RANBP2: variants seen among roughly 807,000 people sequenced by gnomAD.
RANBP2 encodes the protein E3 SUMO-protein ligase RanBP2.
A neutral mutation model predicts 303.6 loss-of-function variants in RANBP2; 57 were observed. The observed-to-expected ratio is 0.19, with a 90% CI of 0.15 to 0.23. RANBP2 has a LOEUF of 0.23. RANBP2 is among the 10% of genes least tolerant of loss of function. The pLI is 1.00. For synonymous variants in RANBP2, 1,167 were observed against 1,301.5 expected (o/e 0.90, Z 2.23); for missense variants, 3,138 against 3,780.8 (o/e 0.83, Z 4.46).
At chr2:109,039,610 A>C in the RANBP2 span, among the ~76,000 whole-genome samples, 1 of 152,140 alleles carries the variant, frequency 6.6e-6, no homozygotes, top group Non-Finnish European at 1.5e-5. Flanking sequence ...CGGCCTCCCA[A>C]AGTGCTGGGA....
At chr2:109,630,868 C>G in the RANBP2 span, among the ~76,000 whole-genome samples, 1 of 152,150 alleles carries the variant, frequency 6.6e-6, no homozygotes, top group Non-Finnish European at 1.5e-5. Flanking sequence ...GAGTTCGAGA[C>G]CAGCCTGGCC....
At chr2:109,275,392 G>A in the RANBP2 span, among the ~76,000 whole-genome samples, 1 of 152,192 alleles carries the variant, frequency 6.6e-6, no homozygotes, top group East Asian at 1.9e-4. Context: ...TTAGTGTGAT[G>A]TGGCCTGAGG....
the RANBP2 span, among the ~76,000 whole-genome samples, chr2:109,588,008 C>T: frequency 1.3e-5 from 2 of 151,890 alleles, no homozygotes; most frequent in African/African-American, 4.8e-5. Flanking sequence ...GGGAGGATCA[C>T]TTAAACTCAG....
At chr2:108,724,441 C>A (rs1023655143) in intron 1 of RANBP2, among the ~76,000 whole-genome samples, 3 of 152,086 alleles carry the variant, frequency 2.0e-5, no homozygotes, top group African/African-American at 2.4e-5. Context: ...ATTTGGTTAT[C>A]GAATTCTGAG....
chr2:108,971,267 G>GA, the RANBP2 span, among the ~76,000 whole-genome samples: 3 of 152,084 alleles, frequency 2.0e-5, no homozygotes, highest in Non-Finnish European at 1.5e-5. Flanking sequence ...CCAGCATCTA[G>GA]AAACTGGCTC....
At chr2:109,068,563 A>T in the RANBP2 span, among the ~76,000 whole-genome samples, 1 of 152,266 alleles carries the variant, frequency 6.6e-6, no homozygotes, top group East Asian at 1.9e-4. Context: ...GGTCATTATT[A>T]TCATTATTTC....
At chr2:109,111,476 C>CTCTA in the RANBP2 span, among the ~76,000 whole-genome samples, 143,648 of 151,832 alleles carry the variant, frequency 0.95, 68,430 homozygotes, top group Non-Finnish European at 1. Flanking sequence ...TCAATCTGAA[C>CTCTA]TCTATACTCT....
the RANBP2 span, among the ~76,000 whole-genome samples, chr2:109,422,698 C>G: frequency 6.6e-6 from 1 of 152,184 alleles, no homozygotes; most frequent in African/African-American, 2.4e-5. Flanking sequence ...AGAGGCCATG[C>G]TCCTGGGCAC....
At chr2:109,443,763 A>G in the RANBP2 span, among the ~76,000 whole-genome samples, 1 of 152,252 alleles carries the variant, frequency 6.6e-6, no homozygotes, top group African/African-American at 2.4e-5. Context: ...ATATGGATAA[A>G]GGTACAAGGA....
At chr2:108,788,755 G>C (rs1462812607), downstream of RANBP2, 1 of 1,476,190 alleles carries the variant, frequency 6.8e-7, no homozygotes, top group Non-Finnish European at 9.0e-7. Context: ...TGAGAGAGAA[G>C]ATTTTAAAAA....
intron 23 of RANBP2, among the ~76,000 whole-genome samples, chr2:108,774,972 A>T (rs1489884312): frequency 6.6e-6 from 1 of 152,136 alleles, no homozygotes; most frequent in Non-Finnish European, 1.5e-5. Flanking sequence ...GATTGCAGGC[A>T]TGAGCCACTG....
chr2:109,563,261 T>C, the RANBP2 span, among the ~76,000 whole-genome samples: 1 of 152,122 alleles, frequency 6.6e-6, no homozygotes, highest in Non-Finnish European at 1.5e-5. Context: ...GTGAAAACAT[T>C]AATTAACTCC....
At chr2:109,244,955 G>T in the RANBP2 span, among the ~76,000 whole-genome samples, 14 of 152,214 alleles carry the variant, frequency 9.2e-5, no homozygotes, top group Admixed American at 3.3e-4. Flanking sequence ...TTTGAGACTT[G>T]ATCAGGTGCC....
the RANBP2 span, among the ~76,000 whole-genome samples, chr2:108,880,944 G>A: frequency 1.3e-5 from 2 of 152,278 alleles, no homozygotes; most frequent in Middle Eastern, 3.4e-3. Context: ...TATAATTCAT[G>A]AGAGAAGTTC....
the RANBP2 span, among the ~76,000 whole-genome samples, chr2:109,259,815 CTGTT>C: frequency 2.5e-3 from 376 of 152,270 alleles, 3 homozygotes; most frequent in South Asian, 0.014. Flanking sequence ...TGGGAGGTCT[CTGTT>C]TGTCTGGCTC....
At chr2:108,730,654 G>C in intron 2 of RANBP2, 120 bp from the exon 3 acceptor site, 1 of 1,356,520 alleles carries the variant, frequency 7.4e-7, no homozygotes, top group Non-Finnish European at 1.0e-6. Context: ...AATAGCGGTA[G>C]TTTTGAGTAA....
the RANBP2 span, among the ~76,000 whole-genome samples, chr2:109,427,322 C>G: frequency 6.6e-6 from 1 of 152,136 alleles, no homozygotes; most frequent in Non-Finnish European, 1.5e-5. Flanking sequence ...ATAATGCTAT[C>G]GCATACTTAA....
chr2:109,153,561 A>G, the RANBP2 span, among the ~76,000 whole-genome samples: 1 of 152,210 alleles, frequency 6.6e-6, no homozygotes, highest in African/African-American at 2.4e-5. Flanking sequence ...TCACCGGGTC[A>G]CCTGCCCCAG....
the RANBP2 span, among the ~76,000 whole-genome samples, chr2:109,402,949 GC>G: frequency 6.6e-6 from 1 of 152,174 alleles, no homozygotes; most frequent in Non-Finnish European, 1.5e-5. Flanking sequence ...TGGGCTGCTT[GC>G]TGGGCACTGT....
Sources: gnomAD v4.1 joint callset for allele counts (sites outside exome capture counted in the v4.1 genomes callset) on GRCh38, gnomAD v4.1.1 for gene constraint, MANE v1.5 for transcripts, NCBI Gene and HGNC (gene_info 2026-07-23, HGNC 2026-07-21) for gene names.